Variants in CFAP92 observed in about 807,000 individuals in gnomAD.
CFAP92 encodes cilia and flagella associated protein 92 (putative).
A neutral mutation model predicts 106.3 loss-of-function variants in CFAP92; 86 were observed. That is an observed-to-expected ratio of 0.81 (90% CI 0.68 to 0.97). The LOEUF (loss-of-function observed/expected upper bound fraction) is 0.97, where lower values mean the gene tolerates loss of function less well. Among genes scored for constraint, CFAP92 ranks in the 50% least tolerant of loss-of-function variants. CFAP92 has a pLI of 0.00. For missense variants in CFAP92, 1,204 were observed against 1,283.8 expected (o/e 0.94, Z 0.95); for synonymous variants, 477 against 506.4 (o/e 0.94, Z 0.78).
intron 12 of CFAP92, among the ~76,000 whole-genome samples, chr3:128,931,522 T>C (rs1213208800): frequency 1.1e-5 from 1 of 92,806 alleles, no homozygotes; most frequent in Non-Finnish European, 2.2e-5. Context: ...TATATGTATG[T>C]ATGTGTATAT....
chr3:128,993,939 G>T (rs1184353833), intron 1 of CFAP92, 41 bp downstream of exon 1: 16 of 987,314 alleles, frequency 1.6e-5, no homozygotes, highest in Non-Finnish European at 1.9e-5. Context: ...CGGCCGAGGT[G>T]GGGGCAGGGG....
At chr3:129,023,801 G>A in the CFAP92 span, among the ~76,000 whole-genome samples, 1 of 152,170 alleles carries the variant, frequency 6.6e-6, no homozygotes, top group Non-Finnish European at 1.5e-5. Flanking sequence ...ATCACGTAGG[G>A]TCCACCCCTC....
At chr3:128,988,960 T>C in intron 2 of CFAP92, 42 bp from the exon 3 acceptor site, 1 of 1,504,286 alleles carries the variant, frequency 6.6e-7, no homozygotes, top group Non-Finnish European at 9.1e-7. Flanking sequence ...TAACCTCATG[T>C]GGAAAAGCAG....
intron 9 of CFAP92, among the ~76,000 whole-genome samples, chr3:128,964,505 G>A (rs1942213030): frequency 6.6e-6 from 1 of 152,144 alleles, no homozygotes; most frequent in Admixed American, 6.5e-5. Context: ...AGCCATCACA[G>A]CTGATATCTC....
At chr3:129,016,276 T>C in the CFAP92 span, among the ~76,000 whole-genome samples, 1 of 152,142 alleles carries the variant, frequency 6.6e-6, no homozygotes, top group South Asian at 2.1e-4. Flanking sequence ...TTATCCTGGC[T>C]GGTCTGGGTG....
At position 128,971,280 on chromosome 3, in the gene CFAP92, T is replaced by C; in HGVS notation, c.1168+7A>G. On this transcript the variant is annotated splice_region_variant and intron_variant, in intron 8 of 15. Coordinates refer to ENST00000645291, the MANE Select transcript of CFAP92 (RefSeq NM_001394090.1). Reference sequence around the variant, plus strand: ...GAGCTGCTGGGAACAGGGCAAGCAGTGGGTACCGGCAAGGAGCGGCATGAC... The same window carrying C: ...GAGCTGCTGGGAACAGGGCAAGCAGCGGGTACCGGCAAGGAGCGGCATGAC... The C allele has an allele frequency of 1.2e-6, 2 of 1,613,684 alleles. No homozygotes were observed. Among genetic ancestry groups the C allele is most frequent in the Non-Finnish European group, 8.5e-7 (1 of 1,179,836 alleles).
chr3:128,987,148 G>A (rs764782576), intron 4 of CFAP92, among the ~76,000 whole-genome samples: 17 of 152,044 alleles, frequency 1.1e-4, no homozygotes, highest in Admixed American at 6.5e-4. Context: ...GCGACAGAGC[G>A]AGACTCCATC....
chr3:128,995,221 G>A (rs1276808800), upstream of CFAP92, among the ~76,000 whole-genome samples: 1 of 152,230 alleles, frequency 6.6e-6, no homozygotes. Context: ...CCCAAGTCCT[G>A]AGCCTCCCAG....
chr3:128,980,106 C>T (rs1490519982), intron 4 of CFAP92, among the ~76,000 whole-genome samples: 1 of 151,784 alleles, frequency 6.6e-6, no homozygotes, highest in Non-Finnish European at 1.5e-5. Flanking sequence ...CACAGTGGCT[C>T]ATGCCTGTAA....
chr3:128,983,769 G>A (rs139403115), intron 4 of CFAP92, among the ~76,000 whole-genome samples: 1 of 152,266 alleles, frequency 6.6e-6, no homozygotes, highest in Admixed American at 6.5e-5. Context: ...CCACGTGTCT[G>A]CAGGGACCAG....
upstream of CFAP92, among the ~76,000 whole-genome samples, chr3:128,998,304 G>A (rs1944556959): frequency 6.6e-6 from 1 of 152,138 alleles, no homozygotes; most frequent in Admixed American, 6.5e-5. Flanking sequence ...TTTGATGAAG[G>A]TCCGATTCAT....
At position 128,945,747 on chromosome 3, in the gene CFAP92, A is replaced by G; in HGVS notation, c.1582T>C (p.Phe528Leu). ...SEECSQKPVL[F>L]GEDPLDSYLN... ...TATGAATCCAGAGGGTCCTCCCCAA[A>G]CAGCACGGGCTTCTGAGAACACTCC... Residue 528 changes from phenylalanine to leucine, a missense_variant, in exon 10 of 16, where the codon TTT becomes CTT. Transcript: ENST00000645291. The G allele has an allele frequency of 6.5e-7, 1 of 1,535,652 alleles. No homozygotes were observed. The highest frequency in any genetic ancestry group is 8.7e-7 in the Non-Finnish European group (1 of 1,146,678).
intron 9 of CFAP92, among the ~76,000 whole-genome samples, chr3:128,948,671 A>G (rs1053236664): frequency 3.3e-5 from 5 of 151,520 alleles, no homozygotes; most frequent in Non-Finnish European, 7.4e-5. Flanking sequence ...CTGGGATTAC[A>G]GGCACGCGCC....
In CFAP92 at chr3:128,945,450, C is replaced by T. The variant is rs1361882991; in HGVS notation, c.1879G>A (p.Glu627Lys). The T allele has an allele frequency of 6.5e-7, 1 of 1,536,160 alleles. No individual in the cohort carries two copies. Among genetic ancestry groups the T allele is most frequent in the Non-Finnish European group, 8.7e-7 (1 of 1,146,914 alleles). The stretch of plus-strand genomic sequence containing the variant: ...CGCAACTTGAGCTGGGAGTCAGCCT[C>T]TAGGTAGTTGCCCCTGGGCATTGGG... ...HGPMPRGNYL[E>K]ADSQLKLRVD... Residue 627 changes from glutamate (E) to lysine (K), a missense_variant, in exon 10 of 16, where the codon GAG (glutamate) becomes AAG (lysine). Glu to Lys is a moderately conservative substitution (Grantham distance 56). Transcript: ENST00000645291.
intron 9 of CFAP92, among the ~76,000 whole-genome samples, chr3:128,958,788 C>T (rs906943810): frequency 6.6e-6 from 1 of 152,066 alleles, no homozygotes; most frequent in African/African-American, 2.4e-5. Flanking sequence ...GCAGTCTCAG[C>T]TACTAGGGAG....
chr3:128,992,998 A>G (rs779805711), intron 2 of CFAP92, 45 bp downstream of exon 2: 1 of 1,606,106 alleles, frequency 6.2e-7, no homozygotes, highest in Non-Finnish European at 8.5e-7. Context: ...AAAGTCATGC[A>G]CCTCCTTTTT....
intron 12 of CFAP92, among the ~76,000 whole-genome samples, chr3:128,925,028 C>T (rs999093302): frequency 2.6e-5 from 4 of 152,216 alleles, no homozygotes; most frequent in Admixed American, 6.5e-5. Context: ...CCTTTGACTC[C>T]GCTGGACTTT....
chr3:128,933,970 T>C (rs1033037881), intron 11 of CFAP92, among the ~76,000 whole-genome samples: 1 of 152,116 alleles, frequency 6.6e-6, no homozygotes, highest in South Asian at 2.1e-4. Context: ...TCTAAAAATA[T>C]AAAGACAGGG....
chr3:129,000,235 T>C (rs773607677), intron 1 of CFAP92, among the ~76,000 whole-genome samples: 33 of 152,306 alleles, frequency 2.2e-4, no homozygotes, highest in Non-Finnish European at 4.0e-4. Context: ...CCATTACTTT[T>C]ATAATTAAAA....
Sources: gnomAD v4.1 joint callset for allele counts (sites outside exome capture counted in the v4.1 genomes callset) on GRCh38, gnomAD v4.1.1 for gene constraint, MANE v1.5 for transcripts, NCBI Gene and HGNC (gene_info 2026-07-23, HGNC 2026-07-21) for gene names.